The following RSRP1 variants were observed in gnomAD, a reference collection of about 807,000 sequenced individuals.
RSRP1 encodes arginine and serine rich protein 1, also known as arginine/serine-rich protein 1.
RSRP1 carries 37 observed loss-of-function variants against 33.0 expected under a neutral mutation model. The observed-to-expected ratio is 1.12, with a 90% CI of 0.86 to 1.48. The LOEUF is 1.48. Among genes scored for constraint, RSRP1 ranks in the 40% most tolerant of loss-of-function variants. RSRP1 has a pLI of 0.00. For synonymous variants in RSRP1, 167 were observed against 158.7 expected (o/e 1.05, Z -0.40); for missense variants, 402 against 385.3 (o/e 1.04, Z -0.36).
intron 1 of RSRP1, among the ~76,000 whole-genome samples, chr1:25,289,203 T>G (rs112590107): frequency 0.02 from 2,587 of 132,084 alleles, 401 homozygotes; most frequent in African/African-American, 0.06. Flanking sequence ...TGAATTTTTT[T>G]TGTGTGTGTG....
At position 25,332,417 on chromosome 1, in the gene RSRP1, G is replaced by T. The variant is rs1214285082; in HGVS notation, c.-67+5561C>A. On this transcript the variant is annotated intron_variant, in intron 1 of 1. Transcript: ENST00000561867. Reference sequence around the variant, plus strand: ...AGCTATGTCTATTGAGCACTCAAGCGTATTCTAGAAACTGTTCCTGATTCT... The same window carrying T: ...AGCTATGTCTATTGAGCACTCAAGCTTATTCTAGAAACTGTTCCTGATTCT... Among the ~76,000 whole-genome samples, 3 of 131,662 alleles carry T rather than the reference G, an allele frequency of 2.3e-5. 1 individual carries two copies. Among genetic ancestry groups the T allele is most frequent in the Non-Finnish European group, 5.4e-5 (3 of 55,690 alleles). The allele number at this position is 131,662 out of a possible 152,430, so 86.4% of individuals were successfully genotyped here.
intron 1 of RSRP1, among the ~76,000 whole-genome samples, chr1:25,260,503 C>T (rs1640098315): frequency 6.6e-6 from 1 of 152,194 alleles, no homozygotes; most frequent in Non-Finnish European, 1.5e-5. Flanking sequence ...GGGAAGGAGG[C>T]TGTGTGTATA....
Position 25,303,329 on chromosome 1 carries a change from T to G in RSRP1, c.-67+34649A>C, listed in dbSNP as rs121912763. ...CACGCTATTTCTTTGCAGACTTATG[T>G]GCACAGTGCGGTGTTGGCAGGAGGC... On this transcript the variant is annotated intron_variant, in intron 1 of 1. Coordinates refer to the RSRP1 transcript ENST00000561867. 5,226 of 1,368,616 alleles carry G rather than the reference T, an allele frequency of 3.8e-3. 1,434 individuals are homozygous for G. Among genetic ancestry groups the G allele is most frequent in the Non-Finnish European group, 4.9e-3 (4,720 of 969,434 alleles). The allele number at this position is 1,368,616 out of a possible 1,614,324, so 84.8% of individuals were successfully genotyped here.
chr1:25,267,458 G>A (rs1371949895), intron 1 of RSRP1, among the ~76,000 whole-genome samples: 1 of 127,094 alleles, frequency 7.9e-6, no homozygotes, highest in African/African-American at 2.8e-5. Context: ...AGTCCCATAA[G>A]TGGGTCACCG....
chr1:25,279,105 G>C (rs1452881456), intron 1 of RSRP1, among the ~76,000 whole-genome samples: 1 of 127,974 alleles, frequency 7.8e-6, no homozygotes, highest in Non-Finnish European at 1.8e-5. Flanking sequence ...AGCTGCCCAA[G>C]GGGATGGACT....
rs777555082 is a variant in RSRP1, at chr1:25,246,576, C to T, written c.388G>A (p.Ala130Thr). The T allele has an allele frequency of 1.9e-6, 3 of 1,614,214 alleles. No homozygotes were observed. The highest frequency in any genetic ancestry group is 1.7e-6 in the Non-Finnish European group (2 of 1,180,038). ...CGCTGTCCCCGCGCGATCGCGTACG[C>T]CCTTCCGCAGTACGACCTTCCCCGA... ...RSRGRSYCGR[A>T]YAIARGQRYY... is the part of the protein sequence containing the mutation. Residue 130 changes from alanine to threonine, a missense_variant, in exon 2 of 5, where the codon GCG becomes ACG. Coordinates refer to ENST00000243189, the MANE Select transcript of RSRP1 (RefSeq NM_020317.5).
chr1:25,316,586 CAG>C (rs1644450030), intron 1 of RSRP1, among the ~76,000 whole-genome samples: 1 of 75,244 alleles, frequency 1.3e-5, no homozygotes, highest in African/African-American at 4.1e-5. Flanking sequence ...GTCTGGACGA[CAG>C]AGTGAGACTC....
intron 1 of RSRP1, among the ~76,000 whole-genome samples, chr1:25,287,872 G>C (rs189620626): frequency 0.023 from 2,796 of 122,332 alleles, 436 homozygotes; most frequent in African/African-American, 0.068. Context: ...ACAGGCGCCT[G>C]CTACCATGCC....
chr1:25,276,524 C>CCCG (rs1447515130), intron 1 of RSRP1, among the ~76,000 whole-genome samples: 1 of 56,946 alleles, frequency 1.8e-5, no homozygotes, highest in East Asian at 2.7e-4. Context: ...GAGACCCCCC[C>CCCG]CCATCTCTAA....
At position 25,329,686 on chromosome 1, in the gene RSRP1, A is replaced by T. The variant is rs1400326814; in HGVS notation, c.-67+8292T>A. On this transcript the variant is annotated intron_variant, in intron 1 of 1. Transcript: ENST00000561867. ...CTTTTTTTTTTTGAAACGGAGTCTC[A>T]CTCTGTCACCAGGCTGGAGTGCAGT... is the stretch of plus-strand genomic sequence containing the variant. 3 of 127,868 alleles carry T rather than the reference A, an allele frequency of 2.3e-5. 1 individual carries two copies. The highest frequency in any genetic ancestry group is 8.0e-5 in the African/African-American group (3 of 37,322). The allele number at this position is 127,868 out of a possible 1,614,324, so 7.9% of individuals were successfully genotyped here. A position where few individuals can be genotyped will look rare whatever the true frequency, so the allele number is the denominator to read the frequency against.
At chr1:25,244,835 C>G in intron 3 of RSRP1, 2 of 947,986 alleles carry the variant, frequency 2.1e-6, no homozygotes, top group Non-Finnish European at 2.8e-6. Flanking sequence ...AGGCATGCAC[C>G]ACCATGCCTG....
chr1:25,267,884 C>G (rs1170430415), intron 1 of RSRP1: 1 of 131,890 alleles, frequency 7.6e-6, no homozygotes, highest in East Asian at 2.0e-4. Context: ...CGGCGGAAAG[C>G]CCCTGAACCC....
chr1:25,311,044 A>C (rs1431129277), intron 1 of RSRP1, among the ~76,000 whole-genome samples: 1 of 131,602 alleles, frequency 7.6e-6, no homozygotes, highest in African/African-American at 2.6e-5. Flanking sequence ...GAGGGCTTAA[A>C]GGAAGACCCC....
chr1:25,267,720 T>G (rs1360748565), intron 1 of RSRP1: 1 of 132,418 alleles, frequency 7.6e-6, no homozygotes, highest in African/African-American at 2.6e-5. Context: ...CCGACCCCAG[T>G]ACTAGAAAAC....
At chr1:25,320,233 C>T (rs1189556418) in intron 1 of RSRP1, among the ~76,000 whole-genome samples, 3 of 131,944 alleles carry the variant, frequency 2.3e-5, no homozygotes, top group Admixed American at 1.5e-4. Context: ...GAACACAAAA[C>T]GCTTGGGCTG....
intron 1 of RSRP1, among the ~76,000 whole-genome samples, chr1:25,263,510 C>A (rs1640224380): frequency 6.6e-6 from 1 of 151,944 alleles, no homozygotes; most frequent in Admixed American, 6.6e-5. Flanking sequence ...ATAGAGCCAT[C>A]AGATCCTGTT....
In RSRP1 at chr1:25,306,663, G is replaced by A. The variant is rs1391779105; in HGVS notation, c.-67+31315C>T. ...ATGGGCTACAACTTCAGCTTGCTGG[G>A]TCTGCTTGGAGAGATCATCTACATT... On this transcript the variant is annotated intron_variant, in intron 1 of 1. Coordinates refer to the RSRP1 transcript ENST00000561867. 5.8e-6 allele frequency: 8 copies of A among 1,378,688 alleles called. 3 individuals are homozygous for A. The highest frequency in any genetic ancestry group is 2.0e-6 in the Non-Finnish European group (2 of 979,150). The allele number at this position is 1,378,688 out of a possible 1,614,324, so 85.4% of individuals were successfully genotyped here.
chr1:25,244,278 C>A, intron 3 of RSRP1: 1 of 1,288,990 alleles, frequency 7.8e-7, no homozygotes, highest in Non-Finnish European at 1.0e-6. Flanking sequence ...AGATGCCCCA[C>A]CGTTACAACG....
At chr1:25,266,082 GA>G (rs1206397561) in intron 1 of RSRP1, 11 of 127,166 alleles carry the variant, frequency 8.7e-5, no homozygotes, top group African/African-American at 2.8e-4. Flanking sequence ...AGGGAAAATG[GA>G]GGGGTTAATA....
Sources: allele counts gnomAD v4.1 joint callset (sites outside exome capture counted in the v4.1 genomes callset), GRCh38; gene constraint gnomAD v4.1.1; transcripts MANE v1.5; gene names NCBI Gene and HGNC (gene_info 2026-07-23, HGNC 2026-07-21).